Variants in MAST2 observed in about 807,000 individuals in gnomAD.
MAST2 encodes microtubule-associated serine/threonine-protein kinase 2.
In MAST2, 70 loss-of-function variants were observed where a neutral mutation model predicts 147.4. The observed-to-expected ratio is 0.47, with a 90% CI of 0.39 to 0.58. The LOEUF is 0.58. Ranked by LOEUF, MAST2 falls within the 20% of genes least tolerant of loss-of-function variation. The pLI is 0.00. For missense variants in MAST2, 2,080 were observed against 2,302.3 expected (o/e 0.90, Z 1.98); for synonymous variants, 869 against 896.8 (o/e 0.97, Z 0.55).
chr1:45,827,042 A>G (rs1004605222), intron 2 of MAST2, among the ~76,000 whole-genome samples: 1 of 151,834 alleles, frequency 6.6e-6, no homozygotes, highest in Non-Finnish European at 1.5e-5. Context: ...GTTGGCCAGA[A>G]TGGTCTCAAT....
At chr1:45,959,519 C>A in intron 5 of MAST2, 42 bp downstream of exon 5, 3 of 1,483,822 alleles carry the variant, frequency 2.0e-6, no homozygotes, top group Non-Finnish European at 1.9e-6. Context: ...GAAAGAGTGG[C>A]CACAGATGCC....
intron 5 of MAST2, among the ~76,000 whole-genome samples, chr1:45,991,598 T>G (rs1250829135): frequency 6.6e-6 from 1 of 152,226 alleles, no homozygotes; most frequent in African/African-American, 2.4e-5. Flanking sequence ...GTGTATTTGT[T>G]AAATTTATAT....
chr1:45,820,940 C>G (rs1294972916), intron 1 of MAST2, among the ~76,000 whole-genome samples: 4 of 109,284 alleles, frequency 3.7e-5, no homozygotes, highest in African/African-American at 1.4e-4. Flanking sequence ...TGCTCTGTTT[C>G]CCGGGCTGGA....
intron 5 of MAST2, among the ~76,000 whole-genome samples, chr1:45,966,693 G>A (rs1461724658): frequency 6.6e-6 from 1 of 152,108 alleles, no homozygotes; most frequent in Non-Finnish European, 1.5e-5. Flanking sequence ...CTGCACTCCA[G>A]CCTGGGCAAA....
intron 4 of MAST2, among the ~76,000 whole-genome samples, chr1:45,915,661 G>T (rs1652388980): frequency 6.8e-6 from 1 of 148,036 alleles, no homozygotes; most frequent in African/African-American, 2.5e-5. Flanking sequence ...AGTGAGCCGA[G>T]ATGGCGCCAC....
chr1:45,816,346 A>G (rs1644455026), intron 1 of MAST2, among the ~76,000 whole-genome samples: 1 of 152,218 alleles, frequency 6.6e-6, no homozygotes, highest in African/African-American at 2.4e-5. Context: ...TTCAATGCCC[A>G]GACACTGACA....
At chr1:45,934,664 C>G (rs1229239313) in intron 4 of MAST2, among the ~76,000 whole-genome samples, 3 of 152,216 alleles carry the variant, frequency 2.0e-5, no homozygotes, top group African/African-American at 7.2e-5. Context: ...CTCAAGTGAT[C>G]CACCTGTCTT....
intron 17 of MAST2, 117 bp from the exon 18 acceptor site, chr1:46,028,651 G>A: frequency 2.0e-6 from 2 of 1,014,584 alleles, no homozygotes; most frequent in East Asian, 4.8e-5. Context: ...TAACTAAGGT[G>A]GGCTGAGTCT....
chr1:46,020,641 A>G (rs1646146120), intron 11 of MAST2, among the ~76,000 whole-genome samples: 1 of 152,208 alleles, frequency 6.6e-6, no homozygotes, highest in South Asian at 2.1e-4. Context: ...GCTGACATAG[A>G]GAATATTTCT....
intron 3 of MAST2, among the ~76,000 whole-genome samples, chr1:45,862,603 G>A (rs765981619): frequency 2.0e-5 from 3 of 151,566 alleles, no homozygotes; most frequent in Non-Finnish European, 2.9e-5. Context: ...CCAAGTAGTT[G>A]GGATTACAGC....
At chr1:45,887,495 A>C (rs1260685554) in intron 4 of MAST2, among the ~76,000 whole-genome samples, 1 of 152,166 alleles carries the variant, frequency 6.6e-6, no homozygotes, top group Admixed American at 6.5e-5. Flanking sequence ...CTTAGATACC[A>C]GATATTGGAT....
chr1:45,823,517 G>T (rs890589695), intron 1 of MAST2, among the ~76,000 whole-genome samples: 1 of 151,904 alleles, frequency 6.6e-6, no homozygotes, highest in Non-Finnish European at 1.5e-5. Flanking sequence ...TGTATTTTTA[G>T]TAGAGACAGG....
intron 4 of MAST2, among the ~76,000 whole-genome samples, chr1:45,909,747 A>C (rs1651369787): frequency 6.6e-6 from 1 of 151,814 alleles, no homozygotes; most frequent in African/African-American, 2.4e-5. Context: ...TGATCTCTTG[A>C]CCTCGTGATC....
chr1:45,975,976 A>C (rs1571021013), intron 5 of MAST2, among the ~76,000 whole-genome samples: 1 of 123,106 alleles, frequency 8.1e-6, no homozygotes, highest in Non-Finnish European at 1.7e-5. Context: ...AAAACTGAAT[A>C]CTTTTTTTTT....
intron 6 of MAST2, among the ~76,000 whole-genome samples, chr1:46,002,168 G>A (rs1645299905): frequency 6.6e-6 from 1 of 152,148 alleles, no homozygotes; most frequent in Non-Finnish European, 1.5e-5. Flanking sequence ...ATCCTTTTGA[G>A]AGCAGCAGGA....
At chr1:45,888,768 G>A (rs1352469964) in intron 4 of MAST2, among the ~76,000 whole-genome samples, 1 of 133,782 alleles carries the variant, frequency 7.5e-6, no homozygotes, top group Admixed American at 8.6e-5. Flanking sequence ...TGCAACCTCC[G>A]CCTCCCAGGT....
intron 3 of MAST2, among the ~76,000 whole-genome samples, chr1:45,859,322 A>C (rs1645901528): frequency 6.6e-6 from 1 of 152,088 alleles, no homozygotes; most frequent in African/African-American, 2.4e-5. Context: ...CTAGTCTCAA[A>C]CTCCTGGCCT....
intron 10 of MAST2, among the ~76,000 whole-genome samples, chr1:46,012,949 C>T (rs559533432): frequency 6.6e-6 from 1 of 152,130 alleles, no homozygotes; most frequent in South Asian, 2.1e-4. Flanking sequence ...CTACAAATGA[C>T]CAGCTGGCAG....
chr1:45,839,059 C>T (rs550088800), intron 3 of MAST2, among the ~76,000 whole-genome samples: 74 of 151,944 alleles, frequency 4.9e-4, no homozygotes, highest in Admixed American at 6.5e-4. Context: ...CTGCGACCTC[C>T]GCCTCCTGGG....
Sources: gnomAD v4.1 joint callset for allele counts (sites outside exome capture counted in the v4.1 genomes callset) on GRCh38, gnomAD v4.1.1 for gene constraint, MANE v1.5 for transcripts, NCBI Gene and HGNC (gene_info 2026-07-23, HGNC 2026-07-21) for gene names.